Variants in RPAP1 observed in about 807,000 individuals in gnomAD.
The protein encoded by RPAP1 is RNA polymerase II associated protein 1.
RPAP1 carries 109 observed loss-of-function variants against 142.4 expected under a neutral mutation model. That is an observed-to-expected ratio of 0.77 (90% CI 0.66 to 0.90). The LOEUF is 0.90. RPAP1 is among the 40% of genes least tolerant of loss of function. RPAP1 has a pLI of 0.00. For synonymous variants in RPAP1, 704 were observed against 738.9 expected, an observed-to-expected ratio of 0.95 and a Z score of 0.77; for missense variants, 1,546 against 1,751.7, an observed-to-expected ratio of 0.88 and a Z score of 2.10.
At chr15:41,543,615 G>C (rs1007702558) in intron 1 of RPAP1, among the ~76,000 whole-genome samples, 7 of 152,112 alleles carry the variant, frequency 4.6e-5, no homozygotes, top group African/African-American at 1.7e-4. Context: ...CACGCAAAAC[G>C]CCTAGCCCAG....
chr15:41,535,435 A>G lies in RPAP1; in HGVS notation c.541+77T>C, dbSNP rs1261912194. The G allele has an allele frequency of 1.2e-5, 18 of 1,508,532 alleles. No individual in the cohort carries two copies. In the Admixed American group the frequency reaches 3.6e-4, roughly 30 times the overall value. 93.4% of individuals were successfully genotyped at this position (1,508,532 alleles called of 1,614,324 possible). A position where few individuals can be genotyped will look rare whatever the true frequency, so the allele number is the denominator to read the frequency against. On this transcript the variant is annotated intron_variant, in intron 5 of 24. Coordinates refer to ENST00000304330, the MANE Select transcript of RPAP1 (RefSeq NM_015540.4). ...AATGCACCTCTCATTTGAGGCAGGA[A>G]GACATATCTTCAAAAATGACCCTAT...
chr15:41,526,599 T>G (rs1314175329), intron 14 of RPAP1, among the ~76,000 whole-genome samples: 1 of 152,176 alleles, frequency 6.6e-6, no homozygotes, highest in Non-Finnish European at 1.5e-5. Context: ...CTAGGGCTAC[T>G]TGGCTATAGA....
In RPAP1 at chr15:41,518,069, C is replaced by T. The variant is rs774053785; in HGVS notation, c.3909G>A (p.Val1303=). Residue 1303 remains valine, a synonymous_variant, in exon 23 of 25, where the codon GTG becomes GTA. Transcript: ENST00000304330. The part of the protein sequence containing the change: ...TGALRPRWCP[V]LYAVAVAHVN... ...CATGAGCCACAGCCACAGCATAGAG[C>T]ACGGGGCACCAACGTGGGCGGAGCG... The T allele has an allele frequency of 1.4e-5, 22 of 1,612,824 alleles. No homozygotes were observed. In the Admixed American group the frequency reaches 2.9e-4, roughly 21 times the overall value.
At chr15:41,542,251 T>C (rs1381949573) in intron 1 of RPAP1, among the ~76,000 whole-genome samples, 1 of 152,164 alleles carries the variant, frequency 6.6e-6, no homozygotes, top group Non-Finnish European at 1.5e-5. Flanking sequence ...GTCTCCAAGA[T>C]TGTAAAGGTC....
intron 9 of RPAP1, among the ~76,000 whole-genome samples, chr15:41,528,598 T>C (rs936592772): frequency 2.0e-5 from 3 of 152,072 alleles, no homozygotes; most frequent in Non-Finnish European, 4.4e-5. Flanking sequence ...TAAATTGGTC[T>C]CAGTGGATGG....
intron 5 of RPAP1, 133 bp downstream of exon 5, chr15:41,535,379 C>T: frequency 7.8e-7 from 1 of 1,290,154 alleles, no homozygotes; most frequent in South Asian, 1.5e-5. Flanking sequence ...CCTCCCATAC[C>T]TAGTATTCTC....
In RPAP1 at chr15:41,523,770, C is replaced by A. The variant is rs200318959; in HGVS notation, c.2436+1G>T. The A allele has an allele frequency of 2.5e-6, 4 of 1,592,832 alleles. No individual in the cohort carries two copies. Among genetic ancestry groups the A allele is most frequent in the Admixed American group, 1.8e-5 (1 of 57,094 alleles). On this transcript the variant is annotated splice_donor_variant, in intron 17 of 24. Coordinates refer to ENST00000304330, the MANE Select transcript of RPAP1 (RefSeq NM_015540.4). LOFTEE classifies it high-confidence loss of function. ...GTGGACAGCCGGCAGGAGGCACTCA[C>A]TTGCTGGCTCCAGGCCTGGTAGTAG...
intron 19 of RPAP1, 91 bp downstream of exon 19, chr15:41,522,674 G>A (rs901604311): frequency 3.6e-6 from 4 of 1,098,656 alleles, no homozygotes; most frequent in South Asian, 3.5e-5. Flanking sequence ...ACAGGCGTGA[G>A]CCACCGCGCC....
In RPAP1 at chr15:41,535,904, T is replaced by A. The variant is rs530911550; in HGVS notation, c.420+225A>T. On this transcript the variant is annotated intron_variant, in intron 4 of 24. Transcript: ENST00000304330. ...TCTTTGGGGTCTCAGTTTCCTCATA[T>A]GAAAAATGGGAATAAGGACTCCTCA... Among the ~76,000 whole-genome samples, 5 of 152,296 alleles carry A rather than the reference T, an allele frequency of 3.3e-5. No individual in the cohort carries two copies. The East Asian group carries it at 9.6e-4, about 29-fold the overall frequency.
intron 22 of RPAP1, among the ~76,000 whole-genome samples, chr15:41,518,678 C>CA (rs112073549): frequency 0.5 from 68,499 of 136,246 alleles, 17,088 homozygotes; most frequent in African/African-American, 0.63. Context: ...GACTCCGTCT[C>CA]AAAAAAAAAA....
Position 41,527,848 on chromosome 15 carries a change from TC to T in RPAP1, c.1428+11del. 1.9e-6 allele frequency: 3 copies of T among 1,613,906 alleles called. No homozygotes were observed. Among genetic ancestry groups the T allele is most frequent in the African/African-American group, 2.7e-5 (2 of 75,014 alleles). On this transcript the variant is annotated intron_variant, in intron 11 of 24. Coordinates refer to ENST00000304330, the MANE Select transcript of RPAP1 (RefSeq NM_015540.4). ...CCTCCCAGCCCAAGCCCCATTCCTA[TC>T]CCTGTGGTACCTCATCTCCAGGAGC...
Position 41,528,327 on chromosome 15 carries a change from AC to A in RPAP1, c.1167del (p.Tyr390IlefsTer9). The stretch of plus-strand genomic sequence containing the variant: ...AGGTGGAACAGCTCCTGTAGGGAAT[AC>A]CCCGCTCTCTGGGGCAGGGACAAGA... ...HHHGEEAERA[G>X]YSLQELFHLT... On this transcript the variant is annotated frameshift_variant, in exon 10 of 25. Transcript: ENST00000304330. LOFTEE classifies it high-confidence loss of function. 6.3e-7 allele frequency: 1 copy of A among 1,589,436 alleles called. No homozygotes were observed. The highest frequency in any genetic ancestry group is 8.6e-7 in the Non-Finnish European group (1 of 1,166,868).
Position 41,521,938 on chromosome 15 carries a change from A to C in RPAP1, c.2896-58T>G. On this transcript the variant is annotated intron_variant, in intron 20 of 24. Coordinates refer to ENST00000304330, the MANE Select transcript of RPAP1 (RefSeq NM_015540.4). ...CAGGAGAAGGGGACGTGGCAGAGAG[A>C]AGTGAGGAAGAGGATAAAAGTGAGG... The C allele has an allele frequency of 5.7e-6, 9 of 1,591,018 alleles. No homozygotes were observed. Among genetic ancestry groups the C allele is most frequent in the Non-Finnish European group, 6.9e-6 (8 of 1,164,928 alleles).
At position 41,529,662 on chromosome 15, in the gene RPAP1, G is replaced by C. The variant is rs2051828355; in HGVS notation, c.1060-94C>G. 4 of 981,416 alleles carry C rather than the reference G, an allele frequency of 4.1e-6. No individual in the cohort carries two copies. The East Asian group carries it at 1.0e-4, about 25-fold the overall frequency. The allele number at this position is 981,416 out of a possible 1,614,324, so 60.8% of individuals were successfully genotyped here. On this transcript the variant is annotated intron_variant, in intron 8 of 24. Transcript: ENST00000304330. ...TTAATCCCAGGCCTTTCAGGACTTA[G>C]GTACTGACTCTACTTCTACCAGAAA...
chr15:41,529,648 C>A, intron 8 of RPAP1, 80 bp from the exon 9 acceptor site: 2 of 1,087,730 alleles, frequency 1.8e-6, no homozygotes, highest in Admixed American at 2.0e-5. Context: ...TAATCCCAGG[C>A]CTTTCAGGAC....
Position 41,518,031 on chromosome 15 carries a change from A to G in RPAP1, c.3947T>C (p.Ile1316Thr). Reference protein sequence around the residue: ...AVAVAHVNSFIFSQDPQSSDE... With the variant: ...AVAVAHVNSFTFSQDPQSSDE... ...TGAGCTCTGTGGGTCCTGAGAGAAG[A>G]TGAAGCTATTGACATGAGCCACAGC... Residue 1316 changes from isoleucine to threonine, a missense_variant, in exon 23 of 25, where the codon ATC becomes ACC. Physicochemically the swap from Ile to Thr is moderately conservative, Grantham distance 89. Around this residue, in one of 3 missense-constraint regions of RPAP1, gnomAD observed 210 missense variants for 248.0 expected, o/e 0.85. Transcript: ENST00000304330. The G allele has an allele frequency of 1.2e-6, 2 of 1,614,128 alleles. No individual in the cohort carries two copies. The highest frequency in any genetic ancestry group is 1.7e-6 in the Non-Finnish European group (2 of 1,180,000).
At position 41,520,682 on chromosome 15, in the gene RPAP1, C is replaced by G. The variant is rs769942547; in HGVS notation, c.3504G>C (p.Glu1168Asp). Residue 1168 changes from glutamate to aspartate, a missense_variant, in exon 22 of 25, where the codon GAG becomes GAC. This residue lies in a region of RPAP1 where 1,333 missense variants were observed against 1,486.6 expected (regional missense o/e 0.90). Transcript: ENST00000304330. ...RLMCVFLVDS[E>D]LFRESPVQHL... ...GCTGTACTGGGGACTCCCGGAACAG[C>G]TCACTGTCCACCAGGAACACACACA... 6.2e-7 allele frequency: 1 copy of G among 1,614,168 alleles called. No homozygotes were observed. The highest frequency in any genetic ancestry group is 1.7e-5 in the Admixed American group (1 of 60,024).
rs201972444 is a variant in RPAP1, at chr15:41,528,187, G to A, written c.1260+48C>T. 432 of 1,539,592 alleles carry A rather than the reference G, an allele frequency of 2.8e-4. 1 individual carries two copies. The Middle Eastern group carries it at 2.8e-3, about 10-fold the overall frequency. ...GCAGGAGATGGGGAAGTCTGAGGCT[G>A]TGGGGTGAAGGGAAGGGTGGGCAGG... On this transcript the variant is annotated intron_variant, in intron 10 of 24. Transcript: ENST00000304330.
intron 10 of RPAP1, 78 bp from the exon 11 acceptor site, chr15:41,528,105 C>T (rs370495584): frequency 6.4e-6 from 10 of 1,553,082 alleles, no homozygotes; most frequent in East Asian, 4.7e-5. Flanking sequence ...CGTTTGCCCC[C>T]CTATGATCCT....
Sources: gnomAD v4.1 joint callset for allele counts (sites outside exome capture counted in the v4.1 genomes callset) on GRCh38, gnomAD v4.1.1 for gene constraint, gnomAD v4.1.1 regional missense constraint, MANE v1.5 for transcripts, NCBI Gene and HGNC (gene_info 2026-07-23, HGNC 2026-07-21) for gene names.